The following GALNT13 variants were observed in gnomAD, a reference collection of about 807,000 sequenced individuals.
GALNT13 encodes the protein UDP-GalNAc:polypeptide N-acetylgalactosaminyltransferase 13.
Under a neutral mutation model 64.2 loss-of-function variants are expected in GALNT13, and 28 were observed. That is an observed-to-expected ratio of 0.44 (90% CI 0.32 to 0.60). The LOEUF (loss-of-function observed/expected upper bound fraction) is 0.60. Among genes scored for constraint, GALNT13 ranks in the 20% least tolerant of loss-of-function variants. The pLI is 0.05. For synonymous variants in GALNT13, 214 were observed against 224.6 expected, an observed-to-expected ratio of 0.95 and a Z score of 0.42; for missense variants, 577 against 669.8, an observed-to-expected ratio of 0.86 and a Z score of 1.53.
chr2:153,620,406 G>C, the GALNT13 span, among the ~76,000 whole-genome samples: 1 of 152,010 alleles, frequency 6.6e-6, no homozygotes, highest in Non-Finnish European at 1.5e-5. Context: ...TTACAGGTGT[G>C]AGCCACTGTG....
intron 9 of GALNT13, among the ~76,000 whole-genome samples, chr2:154,374,549 C>T (rs913540010): frequency 6.6e-6 from 1 of 152,146 alleles, no homozygotes; most frequent in African/African-American, 2.4e-5. Context: ...GAACCATTAC[C>T]TATCTAATTA....
chr2:154,154,091 T>C (rs1684251761), intron 4 of GALNT13, among the ~76,000 whole-genome samples: 1 of 152,320 alleles, frequency 6.6e-6, no homozygotes, highest in Non-Finnish European at 1.5e-5. Context: ...CAGTGTGTTC[T>C]TATATTTCTA....
At chr2:153,327,775 C>G in the GALNT13 span, among the ~76,000 whole-genome samples, 2 of 151,956 alleles carry the variant, frequency 1.3e-5, no homozygotes, top group African/African-American at 4.8e-5. Flanking sequence ...TTATTACCCA[C>G]CTTCTGAAGC....
intron 1 of GALNT13, among the ~76,000 whole-genome samples, chr2:153,876,100 A>G (rs187060711): frequency 6.6e-6 from 1 of 152,030 alleles, no homozygotes; most frequent in Non-Finnish European, 1.5e-5. Context: ...CTTGTCATCA[A>G]AATAAACACA....
the GALNT13 span, among the ~76,000 whole-genome samples, chr2:153,180,372 A>G: frequency 5.9e-5 from 9 of 152,302 alleles, no homozygotes; most frequent in South Asian, 6.2e-4. Flanking sequence ...CACATGAATA[A>G]ATCCCACTTG....
intron 4 of GALNT13, among the ~76,000 whole-genome samples, chr2:154,215,616 C>G (rs1688000434): frequency 6.6e-6 from 1 of 152,034 alleles, no homozygotes; most frequent in South Asian, 2.1e-4. Context: ...TGTTTAAAAC[C>G]CTTCTTCGTA....
At chr2:153,764,613 T>C in the GALNT13 span, among the ~76,000 whole-genome samples, 1 of 152,102 alleles carries the variant, frequency 6.6e-6, no homozygotes, top group Admixed American at 6.5e-5. Context: ...GAAAACCCCA[T>C]TTTCAGGGGA....
intron 3 of GALNT13, among the ~76,000 whole-genome samples, chr2:154,005,566 G>T (rs1014703308): frequency 6.6e-6 from 1 of 152,074 alleles, no homozygotes; most frequent in African/African-American, 2.4e-5. Flanking sequence ...ATTCAAGCTT[G>T]GGCCCTTTGC....
chr2:154,435,061 CTT>C (rs1258159977), intron 11 of GALNT13, among the ~76,000 whole-genome samples: 1 of 152,154 alleles, frequency 6.6e-6, no homozygotes, highest in African/African-American at 2.4e-5. Flanking sequence ...AGTGATTAGA[CTT>C]TGAACCAATT....
At chr2:154,322,294 T>G (rs1474542341) in intron 9 of GALNT13, among the ~76,000 whole-genome samples, 1 of 151,988 alleles carries the variant, frequency 6.6e-6, no homozygotes, top group Non-Finnish European at 1.5e-5. Context: ...AATAACTAGC[T>G]TCTCCAATCC....
chr2:153,260,825 C>T, the GALNT13 span, among the ~76,000 whole-genome samples: 1 of 152,112 alleles, frequency 6.6e-6, no homozygotes, highest in East Asian at 1.9e-4. Flanking sequence ...AGACCAGTAG[C>T]TCTTGGATTT....
At chr2:153,332,377 G>A in the GALNT13 span, among the ~76,000 whole-genome samples, 1 of 151,992 alleles carries the variant, frequency 6.6e-6, no homozygotes, top group South Asian at 2.1e-4. Context: ...CTGTATAATT[G>A]TTTTCACTTA....
intron 11 of GALNT13, among the ~76,000 whole-genome samples, chr2:154,433,912 T>C (rs979400588): frequency 6.6e-6 from 1 of 152,212 alleles, no homozygotes. Flanking sequence ...TTCCTTAGAA[T>C]GTAACCATAT....
chr2:154,425,536 G>A (rs1246684413), intron 11 of GALNT13, among the ~76,000 whole-genome samples: 1 of 152,170 alleles, frequency 6.6e-6, no homozygotes, highest in African/African-American at 2.4e-5. Context: ...TCATTTAGGA[G>A]TCAGTGTTCT....
intron 1 of GALNT13, among the ~76,000 whole-genome samples, chr2:153,887,812 T>G (rs1687291390): frequency 6.6e-6 from 1 of 152,050 alleles, no homozygotes. Flanking sequence ...TTAGAGAAAT[T>G]GAAAGATCAA....
At chr2:154,105,059 T>C (rs1702542069) in intron 3 of GALNT13, among the ~76,000 whole-genome samples, 1 of 152,116 alleles carries the variant, frequency 6.6e-6, no homozygotes, top group Non-Finnish European at 1.5e-5. Context: ...AAAGAATTAC[T>C]TCCACCTACC....
At chr2:153,560,428 AC>A in the GALNT13 span, among the ~76,000 whole-genome samples, 15 of 152,080 alleles carry the variant, frequency 9.9e-5, no homozygotes, top group African/African-American at 3.4e-4. Flanking sequence ...TTAAAAAAAA[AC>A]ATTCATCCAT....
chr2:153,497,311 T>C, the GALNT13 span, among the ~76,000 whole-genome samples: 1 of 152,032 alleles, frequency 6.6e-6, no homozygotes, highest in African/African-American at 2.4e-5. Context: ...CAAATGAAGA[T>C]TAGCTGTTTC....
chr2:154,005,490 G>T (rs1696185457), intron 3 of GALNT13, among the ~76,000 whole-genome samples: 1 of 152,032 alleles, frequency 6.6e-6, no homozygotes, highest in Non-Finnish European at 1.5e-5. Flanking sequence ...TCAGTTGTTT[G>T]CAATGTGGTT....
Sources: gnomAD v4.1 joint callset for allele counts (sites outside exome capture counted in the v4.1 genomes callset) on GRCh38, gnomAD v4.1.1 for gene constraint, MANE v1.5 for transcripts, NCBI Gene and HGNC (gene_info 2026-07-23, HGNC 2026-07-21) for gene names.